The following FRMD5 variants were observed in gnomAD, a reference collection of about 807,000 sequenced individuals.
FRMD5 encodes the protein FERM domain containing 5.
Under a neutral mutation model 69.0 loss-of-function variants are expected in FRMD5, and 20 were observed. The ratio of observed to expected loss-of-function variants is 0.29; its 90% CI spans 0.20 to 0.42. The LOEUF (loss-of-function observed/expected upper bound fraction) is 0.42, where lower values mean the gene tolerates loss of function less well. Among genes scored for constraint, FRMD5 ranks in the 10% least tolerant of loss-of-function variants. The pLI is 1.00. For missense variants in FRMD5, 595 were observed against 708.6 expected (o/e 0.84, Z 1.82); for synonymous variants, 271 against 260.1 (o/e 1.04, Z -0.40).
At chr15:43,969,750 A>G (rs1157178224) in intron 1 of FRMD5, among the ~76,000 whole-genome samples, 1 of 152,214 alleles carries the variant, frequency 6.6e-6, no homozygotes, top group African/African-American at 2.4e-5. Context: ...CAGACAGAAC[A>G]TACGCCTTTG....
chr15:44,025,597 ATAAT>A (rs1249637042), intron 1 of FRMD5, among the ~76,000 whole-genome samples: 1 of 152,236 alleles, frequency 6.6e-6, no homozygotes, highest in African/African-American at 2.4e-5. Context: ...ATGGTAACTC[ATAAT>A]TTAATTAGTA....
Position 43,874,058 on chromosome 15 carries a change from CAA to C in FRMD5, c.1538_1539del (p.Phe513CysfsTer13), listed in dbSNP as rs1567200373. On this transcript the variant is annotated frameshift_variant, in exon 14 of 14. Coordinates refer to ENST00000417257, the MANE Select transcript of FRMD5 (RefSeq NM_032892.5). LOFTEE classifies it high-confidence loss of function. ...RLLLVTMGLL[F>X]VLLLLLIILT... ...AGGATGATCAGGAGGAGGAGCAAAA[CAA>C]AGAGGAGTCCCATGGTCACAAGGAG... The C allele has an allele frequency of 6.2e-7, 1 of 1,614,218 alleles. No homozygotes were observed. Among genetic ancestry groups the C allele is most frequent in the Non-Finnish European group, 8.5e-7 (1 of 1,180,038 alleles).
intron 1 of FRMD5, among the ~76,000 whole-genome samples, chr15:44,033,221 C>T (rs185030724): frequency 4.6e-5 from 7 of 152,102 alleles, no homozygotes; most frequent in African/African-American, 1.7e-4. Context: ...AAGGAAATAA[C>T]AGACACTGGG....
intron 1 of FRMD5, among the ~76,000 whole-genome samples, chr15:43,955,325 C>T (rs928432465): frequency 1.3e-5 from 2 of 152,208 alleles, no homozygotes; most frequent in East Asian, 3.8e-4. Context: ...ACAGTCTTCT[C>T]CAGTGGATGT....
chr15:43,885,771 G>A lies in FRMD5; in HGVS notation c.885-16C>T, dbSNP rs781506257. The stretch of plus-strand genomic sequence containing the variant: ...CTTCTCCAGCCTGTAGCAAGGCAAA[G>A]TCCAGTGTGATAGACAGCCTGAACT... On this transcript the variant is annotated splice_polypyrimidine_tract_variant and intron_variant, in intron 10 of 13. Coordinates refer to ENST00000417257, the MANE Select transcript of FRMD5 (RefSeq NM_032892.5). 1 of 1,611,198 alleles carries A rather than the reference G, an allele frequency of 6.2e-7. No individual in the cohort carries two copies. The highest frequency in any genetic ancestry group is 1.3e-5 in the African/African-American group (1 of 74,882).
intron 1 of FRMD5, among the ~76,000 whole-genome samples, chr15:44,123,016 C>A (rs2076976309): frequency 6.6e-6 from 1 of 152,164 alleles, no homozygotes; most frequent in Non-Finnish European, 1.5e-5. Context: ...TGGCAAGAAT[C>A]ATTTTATGGC....
At chr15:44,190,312 C>T (rs905399475) in intron 1 of FRMD5, among the ~76,000 whole-genome samples, 2 of 152,130 alleles carry the variant, frequency 1.3e-5, no homozygotes, top group Non-Finnish European at 2.9e-5. Context: ...GAAAATGAGG[C>T]TGTGAGGAGG....
chr15:44,018,679 C>T (rs1448763041), intron 1 of FRMD5, among the ~76,000 whole-genome samples: 1 of 152,162 alleles, frequency 6.6e-6, no homozygotes, highest in Non-Finnish European at 1.5e-5. Context: ...AAAGCCCTGG[C>T]TTCCATGGCC....
At chr15:44,079,247 T>TG (rs1318215524) in intron 1 of FRMD5, among the ~76,000 whole-genome samples, 2 of 151,606 alleles carry the variant, frequency 1.3e-5, no homozygotes. Context: ...ATGACTATTA[T>TG]CAAAAAAAAA....
chr15:44,025,761 G>T (rs1459454311), intron 1 of FRMD5, among the ~76,000 whole-genome samples: 1 of 152,172 alleles, frequency 6.6e-6, no homozygotes, highest in Non-Finnish European at 1.5e-5. Flanking sequence ...GATGCCCACT[G>T]AATGACAGGT....
intron 1 of FRMD5, among the ~76,000 whole-genome samples, chr15:43,960,315 T>C (rs2090178060): frequency 6.6e-6 from 1 of 152,134 alleles, no homozygotes; most frequent in Non-Finnish European, 1.5e-5. Context: ...AGTGGCGCGA[T>C]CTTGGCTCAC....
At chr15:43,977,577 A>C (rs2957583) in intron 1 of FRMD5, among the ~76,000 whole-genome samples, 26,884 of 152,106 alleles carry the variant, frequency 0.18, 5,257 homozygotes, top group African/African-American at 0.49. Context: ...CTTTTGAAAA[A>C]AATTTCATCA....
chr15:43,903,259 A>C (rs1393687027), intron 6 of FRMD5, among the ~76,000 whole-genome samples: 1 of 152,218 alleles, frequency 6.6e-6, no homozygotes, highest in Non-Finnish European at 1.5e-5. Context: ...TGTGAAGTCA[A>C]CATCTCTGAT....
intron 1 of FRMD5, among the ~76,000 whole-genome samples, chr15:43,968,127 G>A (rs1288213547): frequency 6.6e-6 from 1 of 151,580 alleles, no homozygotes; most frequent in Non-Finnish European, 1.5e-5. Context: ...ACACAAAAGT[G>A]TATGAACTCC....
chr15:43,991,665 C>T (rs769549825), intron 1 of FRMD5, among the ~76,000 whole-genome samples: 1 of 152,194 alleles, frequency 6.6e-6, no homozygotes, highest in Non-Finnish European at 1.5e-5. Flanking sequence ...TTAAACTAGA[C>T]AGTTCTTGCC....
chr15:44,083,896 C>G, intron 1 of FRMD5, among the ~76,000 whole-genome samples: 1 of 151,996 alleles, frequency 6.6e-6, no homozygotes, highest in South Asian at 2.1e-4. Flanking sequence ...GTCATTTGTA[C>G]TGTTTGATCT....
chr15:44,106,041 G>T (rs941323040), intron 1 of FRMD5, among the ~76,000 whole-genome samples: 5 of 152,066 alleles, frequency 3.3e-5, no homozygotes, highest in African/African-American at 1.2e-4. Context: ...TTGTTTAACT[G>T]TATTGGTTTT....
At chr15:43,931,897 G>A (rs745377320) in intron 1 of FRMD5, among the ~76,000 whole-genome samples, 2 of 152,160 alleles carry the variant, frequency 1.3e-5, no homozygotes, top group African/African-American at 2.4e-5. Flanking sequence ...AGAAGTTGAG[G>A]CACAGGGAGC....
At chr15:44,012,136 T>C (rs1212926695) in intron 1 of FRMD5, among the ~76,000 whole-genome samples, 1 of 152,222 alleles carries the variant, frequency 6.6e-6, no homozygotes, top group African/African-American at 2.4e-5. Flanking sequence ...ATTGACTTAA[T>C]AAATCTCCCT....
Sources: allele counts gnomAD v4.1 joint callset (sites outside exome capture counted in the v4.1 genomes callset), GRCh38; gene constraint gnomAD v4.1.1; transcripts MANE v1.5; gene names NCBI Gene and HGNC (gene_info 2026-07-23, HGNC 2026-07-21).